NEURL1: variants seen among roughly 807,000 people sequenced by gnomAD.
NEURL1 encodes E3 ubiquitin-protein ligase NEURL1.
A neutral mutation model predicts 41.2 loss-of-function variants in NEURL1; 26 were observed. The observed-to-expected ratio is 0.63, with a 90% CI of 0.46 to 0.87. The LOEUF (loss-of-function observed/expected upper bound fraction) is 0.87, where lower values mean the gene tolerates loss of function less well. Ranked by LOEUF, NEURL1 falls within the 40% of genes least tolerant of loss-of-function variation. The pLI, the probability that NEURL1 is intolerant of heterozygous loss-of-function variation, is 0.00. For missense variants in NEURL1, 761 were observed against 871.1 expected (o/e 0.87, Z 1.59); for synonymous variants, 400 against 402.3 (o/e 0.99, Z 0.07).
chr10:103,533,588 G>A (rs2034621327), intron 1 of NEURL1, among the ~76,000 whole-genome samples: 1 of 151,786 alleles, frequency 6.6e-6, no homozygotes, highest in Admixed American at 6.6e-5. Flanking sequence ...CCAGGCTGGA[G>A]TGCAGTGGCG....
intron 1 of NEURL1, among the ~76,000 whole-genome samples, chr10:103,524,297 G>T (rs377508494): frequency 6.6e-6 from 1 of 151,942 alleles, no homozygotes; most frequent in East Asian, 1.9e-4. Context: ...ATTTTTGTTT[G>T]TTTTTTGCTG....
intron 1 of NEURL1, among the ~76,000 whole-genome samples, chr10:103,568,684 A>T (rs1292250179): frequency 1.3e-5 from 2 of 151,638 alleles, no homozygotes; most frequent in Admixed American, 6.6e-5. Flanking sequence ...ACCACCATTT[A>T]AAAAAAAAGA....
At chr10:103,505,258 C>T (rs1592178725) in intron 1 of NEURL1, among the ~76,000 whole-genome samples, 1 of 146,954 alleles carries the variant, frequency 6.8e-6, no homozygotes, top group African/African-American at 2.5e-5. Flanking sequence ...GAGTCTTGCT[C>T]TGCTGCCCAG....
intron 1 of NEURL1, among the ~76,000 whole-genome samples, chr10:103,568,769 A>C (rs1292926559): frequency 1.3e-5 from 2 of 151,798 alleles, no homozygotes; most frequent in Non-Finnish European, 1.5e-5. Context: ...ACACCATCGC[A>C]GGCATTCACT....
At chr10:103,520,036 A>G (rs1592191970) in intron 1 of NEURL1, among the ~76,000 whole-genome samples, 1 of 152,128 alleles carries the variant, frequency 6.6e-6, no homozygotes, top group Non-Finnish European at 1.5e-5. Flanking sequence ...CTCCTGCTTC[A>G]GCCTCCCAGA....
At chr10:103,561,879 T>C (rs1444080331) in intron 1 of NEURL1, among the ~76,000 whole-genome samples, 1 of 152,214 alleles carries the variant, frequency 6.6e-6, no homozygotes. Context: ...TAGTCAGGCA[T>C]GCTAGGCAGG....
intron 1 of NEURL1, among the ~76,000 whole-genome samples, chr10:103,543,058 A>G (rs982355795): frequency 6.6e-6 from 1 of 152,178 alleles, no homozygotes; most frequent in Non-Finnish European, 1.5e-5. Flanking sequence ...AGGCGCTGCT[A>G]TAAATGGTTT....
chr10:103,543,819 C>T (rs573382698), intron 1 of NEURL1, among the ~76,000 whole-genome samples: 1 of 151,954 alleles, frequency 6.6e-6, no homozygotes, highest in South Asian at 2.1e-4. Flanking sequence ...CAGGGAGGGG[C>T]ACTCCAAGGA....
Position 103,558,473 on chromosome 10 carries a change from C to T in NEURL1, c.86-12399C>T, listed in dbSNP as rs1311035755. Among the ~76,000 whole-genome samples, 1 of 150,932 alleles carries T rather than the reference C, an allele frequency of 6.6e-6. No individual in the cohort carries two copies. The highest frequency in any genetic ancestry group is 2.1e-4 in the South Asian group (1 of 4,762). On this transcript the variant is annotated intron_variant, in intron 1 of 5. Transcript: ENST00000369780. The surrounding 1 kb of genome is among the most constrained non-coding windows in gnomAD (Gnocchi z 4.2). The stretch of plus-strand genomic sequence containing the variant: ...CTGTGTTTCCATGCGGGGGCAGCCA[C>T]ATCTGTGGTACTCTGTGCCTGTGCC...
At chr10:103,497,168 A>G (rs776864657) in intron 1 of NEURL1, among the ~76,000 whole-genome samples, 1 of 152,130 alleles carries the variant, frequency 6.6e-6, no homozygotes, top group African/African-American at 2.4e-5. Context: ...CATCACCTTT[A>G]TTCTGTAATT....
rs768359180 is a variant in NEURL1 at position 103,585,074 on chromosome 10, C to T, written c.1188C>T (p.Gly396=). Reference sequence around the variant, plus strand: ...GCGTGCCCGGGCCCCTGCACAGCGGCGACATCCTGGGCCTGGTGGTCAACG... The same window carrying T: ...GCGTGCCCGGGCCCCTGCACAGCGGTGACATCCTGGGCCTGGTGGTCAACG... ...VCRVPGPLHS[G]DILGLVVNAD... The change falls in exon 4 of 6, where the codon GGC becomes GGT. Residue 396 remains glycine, a synonymous_variant. Coordinates refer to ENST00000369780, the MANE Select transcript of NEURL1 (RefSeq NM_004210.5). 6.3e-7 allele frequency: 1 copy of T among 1,590,620 alleles called. No homozygotes were observed. Among genetic ancestry groups the T allele is most frequent in the Non-Finnish European group, 8.5e-7 (1 of 1,176,586 alleles).
At chr10:103,499,767 T>C (rs1268969491) in intron 1 of NEURL1, among the ~76,000 whole-genome samples, 3 of 152,076 alleles carry the variant, frequency 2.0e-5, no homozygotes, top group Non-Finnish European at 4.4e-5. Context: ...CTAGCCATTT[T>C]TCTGCATTCA....
intron 1 of NEURL1, among the ~76,000 whole-genome samples, chr10:103,532,264 C>G (rs897959625): frequency 6.8e-6 from 1 of 147,562 alleles, no homozygotes; most frequent in South Asian, 2.1e-4. Flanking sequence ...TGTATCCTTT[C>G]TTTCTTATTG....
chr10:103,531,447 C>T (rs1227224662), intron 1 of NEURL1, among the ~76,000 whole-genome samples: 1 of 151,818 alleles, frequency 6.6e-6, no homozygotes, highest in East Asian at 1.9e-4. Context: ...GCTATGTTGC[C>T]CAGGCTGGTC....
chr10:103,552,588 G>T (rs555106478), intron 1 of NEURL1, among the ~76,000 whole-genome samples: 1 of 152,302 alleles, frequency 6.6e-6, no homozygotes, highest in South Asian at 2.1e-4. Flanking sequence ...CTTTTTCTCA[G>T]GTTGTGATGA....
intron 1 of NEURL1, among the ~76,000 whole-genome samples, chr10:103,548,176 C>T (rs1014343758): frequency 4.6e-5 from 7 of 152,154 alleles, no homozygotes; most frequent in Non-Finnish European, 8.8e-5. Context: ...TGACTGCTAC[C>T]CAGTGCTCTG....
intron 1 of NEURL1, among the ~76,000 whole-genome samples, chr10:103,526,217 G>C (rs2034456041): frequency 6.6e-6 from 1 of 151,884 alleles, no homozygotes; most frequent in Admixed American, 6.6e-5. Context: ...TTGTGTACTT[G>C]TTTGGTTTTG....
At chr10:103,519,402 T>G (rs1037143750) in intron 1 of NEURL1, among the ~76,000 whole-genome samples, 18 of 152,238 alleles carry the variant, frequency 1.2e-4, no homozygotes, top group Admixed American at 1.2e-3. Context: ...GATACGTGAT[T>G]GCCAGTGGTT....
intron 1 of NEURL1, among the ~76,000 whole-genome samples, chr10:103,568,651 A>G (rs892043547): frequency 6.6e-6 from 1 of 152,116 alleles, no homozygotes; most frequent in African/African-American, 2.4e-5. Flanking sequence ...ACATCAAGAT[A>G]AGGAACACAC....
Sources: gnomAD v4.1 joint callset for allele counts (sites outside exome capture counted in the v4.1 genomes callset) on GRCh38, gnomAD v4.1.1 for gene constraint, Gnocchi (gnomAD v3.1) non-coding constraint, MANE v1.5 for transcripts, NCBI Gene and HGNC (gene_info 2026-07-23, HGNC 2026-07-21) for gene names.